Variants in MYLK2 observed in about 807,000 individuals in gnomAD.
MYLK2 encodes myosin light chain kinase 2, skeletal/cardiac muscle.
MYLK2 carries 27 observed loss-of-function variants against 58.2 expected under a neutral mutation model. The ratio of observed to expected loss-of-function variants is 0.46; its 90% confidence interval spans 0.34 to 0.64. The LOEUF is 0.64. Among genes scored for constraint, MYLK2 ranks in the 30% least tolerant of loss-of-function variants. The pLI, the probability that MYLK2 is intolerant of heterozygous loss-of-function variation, is 0.01. For synonymous variants in MYLK2, 310 were observed against 296.7 expected, an observed-to-expected ratio of 1.04 and a Z score of -0.46; for missense variants, 676 against 764.3, an observed-to-expected ratio of 0.88 and a Z score of 1.36.
At position 31,830,873 on chromosome 20, in the gene MYLK2, T is replaced by G. The variant is rs2062302822; in HGVS notation, c.1279T>G (p.Phe427Val). The change falls in exon 9 of 13, where the codon TTT (phenylalanine) becomes GTT (valine). Residue 427 changes from phenylalanine to valine, a missense_variant. Transcript: ENST00000375985. ...CGGGCATTTGGTGAAGATCATTGAC[T>G]TTGGCCTGGCACGGAGGTACCACCT... ...TTGHLVKIID[F>V]GLARRYNPNE... 6.2e-7 allele frequency: 1 copy of G among 1,613,956 alleles called. No homozygotes were observed. The highest frequency in any genetic ancestry group is 1.1e-5 in the South Asian group (1 of 91,058).
At chr20:31,822,610 G>C (rs1045548631) in intron 4 of MYLK2, among the ~76,000 whole-genome samples, 3 of 152,142 alleles carry the variant, frequency 2.0e-5, no homozygotes, top group Non-Finnish European at 4.4e-5. Flanking sequence ...CAGGGCTGGG[G>C]GTGGGGTGAG....
rs376436063 is a variant in MYLK2, at chr20:31,826,950, G to C, written c.1224+12G>C. 6.2e-7 allele frequency: 1 copy of C among 1,613,952 alleles called. No individual in the cohort carries two copies. The highest frequency in any genetic ancestry group is 1.3e-5 in the African/African-American group (1 of 74,992). On this transcript the variant is annotated intron_variant, in intron 8 of 12. Transcript: ENST00000375985. Reference sequence around the variant, plus strand: ...ACCTGGACCTCAAGGTACCAGACTGGGGCCTCCTGGGAAGGGTCAGGGGCA... The same window carrying C: ...ACCTGGACCTCAAGGTACCAGACTGCGGCCTCCTGGGAAGGGTCAGGGGCA...
chr20:31,826,720 T>C lies in MYLK2; in HGVS notation c.1082+6T>C, dbSNP rs372433376. ...ATCGTCCTGTTCATGGAGTAGTGAG[T>C]GCCCGAAGTAGTGGTAGGGGCTGGG... is the stretch of plus-strand genomic sequence containing the variant. On this transcript the variant is annotated splice_donor_region_variant and intron_variant, in intron 7 of 12. Coordinates refer to ENST00000375985, the MANE Select transcript of MYLK2 (RefSeq NM_033118.4). 2.5e-6 allele frequency: 4 copies of C among 1,613,504 alleles called. No homozygotes were observed. In the African/African-American group the frequency reaches 5.4e-5, roughly 22 times the overall value.
At position 31,826,706 on chromosome 20, in the gene MYLK2, C is replaced by A; in HGVS notation, c.1074C>A (p.Phe358Leu). Residue 358 changes from phenylalanine to leucine, a missense_variant, in exon 7 of 13, where the codon TTC becomes TTA. Physicochemically the swap from Phe to Leu is conservative, Grantham distance 22. This residue lies in a region of MYLK2 where 370 missense variants were observed against 467.8 expected (regional missense o/e 0.79). Coordinates refer to ENST00000375985, the MANE Select transcript of MYLK2 (RefSeq NM_033118.4). ...AIETPHEIVL[F>L]MEYIEGGELF... ...AGACTCCGCATGAGATCGTCCTGTTCATGGAGTAGTGAGTGCCCGAAGTAG... is the reference window on the plus strand; with the variant it reads ...AGACTCCGCATGAGATCGTCCTGTTAATGGAGTAGTGAGTGCCCGAAGTAG... The A allele has an allele frequency of 6.2e-7, 1 of 1,613,980 alleles. No homozygotes were observed. Among genetic ancestry groups the A allele is most frequent in the South Asian group, 1.1e-5 (1 of 91,036 alleles).
intron 8 of MYLK2, among the ~76,000 whole-genome samples, chr20:31,829,944 G>A (rs756607821): frequency 6.6e-6 from 1 of 152,194 alleles, no homozygotes; most frequent in Non-Finnish European, 1.5e-5. Context: ...CCCTGAGGGT[G>A]GGACCCAGGA....
intron 8 of MYLK2, among the ~76,000 whole-genome samples, chr20:31,829,392 A>T (rs1216607654): frequency 6.6e-6 from 1 of 152,038 alleles, no homozygotes; most frequent in African/African-American, 2.4e-5. Flanking sequence ...AGGAAATTTG[A>T]GTCTGCTTCA....
chr20:31,832,326 G>A (rs1423222747), intron 12 of MYLK2, among the ~76,000 whole-genome samples, 190 bp downstream of exon 12: 2 of 152,060 alleles, frequency 1.3e-5, no homozygotes, highest in African/African-American at 2.4e-5. Flanking sequence ...ACCTCTACCC[G>A]GCCTTCCACC....
rs768050336 is a variant in MYLK2 at position 31,831,690 on chromosome 20, C to T, written c.1425-13C>T. ...ATCTCACCTCCCTGCCCCCTGCTAT[C>T]CCCTCCCTCTAGGCTGAGCGGCCTC... On this transcript the variant is annotated splice_polypyrimidine_tract_variant and intron_variant, in intron 10 of 12. Coordinates refer to ENST00000375985, the MANE Select transcript of MYLK2 (RefSeq NM_033118.4). The T allele has an allele frequency of 6.2e-7, 1 of 1,613,930 alleles. No homozygotes were observed. The highest frequency in any genetic ancestry group is 8.5e-7 in the Non-Finnish European group (1 of 1,179,930).
Position 31,826,597 on chromosome 20 carries a change from G to A in MYLK2, c.973-8G>A. The A allele has an allele frequency of 6.2e-7, 1 of 1,614,082 alleles. No homozygotes were observed. The highest frequency in any genetic ancestry group is 8.5e-7 in the Non-Finnish European group (1 of 1,180,006). ...CCAGCTGGTACCCTTGACTTCCCTG[G>A]TCCCCAGGAAATGGTGTTGCTGGAG... On this transcript the variant is annotated splice_region_variant and splice_polypyrimidine_tract_variant and intron_variant, in intron 6 of 12. Transcript: ENST00000375985.
chr20:31,834,269 C>T lies in MYLK2; in HGVS notation c.*472C>T, dbSNP rs1049644673. Reference sequence around the variant, plus strand: ...CTGGTGGGGCAGAAAGGCTGCAACGCTGATTCCTAAGGCCCAGCTGCCAGG... The same window carrying T: ...CTGGTGGGGCAGAAAGGCTGCAACGTTGATTCCTAAGGCCCAGCTGCCAGG... On this transcript the variant is annotated 3_prime_UTR_variant, in exon 13 of 13. Transcript: ENST00000375985. 1.1e-5 allele frequency: 2 copies of T among 185,458 alleles called. No homozygotes were observed. The highest frequency in any genetic ancestry group is 4.7e-5 in the African/African-American group (2 of 42,454). 11.5% of individuals were successfully genotyped at this position (185,458 alleles called of 1,614,324 possible).
intron 12 of MYLK2, 144 bp from the exon 13 acceptor site, chr20:31,833,573 C>A: frequency 5.4e-6 from 4 of 739,514 alleles, no homozygotes; most frequent in Non-Finnish European, 9.7e-6. Context: ...AGTGTCATGG[C>A]GCCTCCCGTG....
intron 6 of MYLK2, among the ~76,000 whole-genome samples, chr20:31,824,896 CAG>C (rs1487281086): frequency 6.6e-6 from 1 of 152,222 alleles, no homozygotes; most frequent in Non-Finnish European, 1.5e-5. Context: ...AGCTGTGACT[CAG>C]GGAAACTGCG....
In MYLK2 at chr20:31,834,051, C is replaced by A. The variant is rs566588013; in HGVS notation, c.*254C>A. The A allele has an allele frequency of 4.3e-5, 23 of 540,450 alleles. No individual in the cohort carries two copies. In the African/African-American group the frequency reaches 4.4e-4, roughly 10 times the overall value. The allele number at this position is 540,450 out of a possible 1,614,324, so 33.5% of individuals were successfully genotyped here. On this transcript the variant is annotated 3_prime_UTR_variant, in exon 13 of 13. Coordinates refer to ENST00000375985, the MANE Select transcript of MYLK2 (RefSeq NM_033118.4). ...ACAGGGCTCCAGCCTGTCGGCCACA[C>A]CCCAGACTCCAGGCCCCCGTTGAAG... is the stretch of plus-strand genomic sequence containing the variant.
chr20:31,832,364 T>G (rs112103586), intron 12 of MYLK2, among the ~76,000 whole-genome samples: 1 of 152,210 alleles, frequency 6.6e-6, no homozygotes, highest in African/African-American at 2.4e-5. Flanking sequence ...GGCTCTGGCT[T>G]CCCTCCTTCA....
chr20:31,830,511 G>A lies in MYLK2; in HGVS notation c.1225-308G>A, dbSNP rs2123139115. Among the ~76,000 whole-genome samples the A allele has an allele frequency of 1.3e-5, 2 of 152,308 alleles. 1 individual carries two copies. Among genetic ancestry groups the A allele is most frequent in the South Asian group, 4.1e-4 (2 of 4,826 alleles). On this transcript the variant is annotated intron_variant, in intron 8 of 12. Coordinates refer to ENST00000375985, the MANE Select transcript of MYLK2 (RefSeq NM_033118.4). ...CAGGCTGTCATGCCTCCTCTCCACA[G>A]GCTTCTGTTTCCCCATCCTCAGAAC... is the stretch of plus-strand genomic sequence containing the variant.
At chr20:31,820,639 A>C in intron 3 of MYLK2, 93 bp downstream of exon 3, 3 of 1,451,996 alleles carry the variant, frequency 2.1e-6, no homozygotes, top group Non-Finnish European at 2.8e-6. Context: ...GGTTATCATC[A>C]CATTCAGTGC....
chr20:31,826,887 T>C lies in MYLK2; in HGVS notation c.1173T>C (p.Cys391=). The C allele has an allele frequency of 6.2e-7, 1 of 1,614,126 alleles. No individual in the cohort carries two copies. The change falls in exon 8 of 13, where the codon TGT becomes TGC. Residue 391 remains cysteine, a synonymous_variant. Coordinates refer to ENST00000375985, the MANE Select transcript of MYLK2 (RefSeq NM_033118.4). ...VDTMVFVRQI[C]DGILFMHKMR... is the part of the protein sequence containing the mutation. ...CCATGGTGTTTGTCAGGCAGATCTG[T>C]GACGGGATCCTCTTCATGCACAAGA...
rs2062309573 is a variant in MYLK2 at position 31,832,065 on chromosome 20, G to C, written c.1639G>C (p.Ala547Pro). 6.2e-7 allele frequency: 1 copy of C among 1,605,752 alleles called. No individual in the cohort carries two copies. The highest frequency in any genetic ancestry group is 8.5e-7 in the Non-Finnish European group (1 of 1,176,138). The change falls in exon 12 of 13, where the codon GCC (alanine) becomes CCC (proline). Residue 547 changes from alanine (A) to proline (P), a missense_variant. Ala to Pro is a conservative substitution (Grantham distance 27, BLOSUM62 -1). Coordinates refer to ENST00000375985, the MANE Select transcript of MYLK2 (RefSeq NM_033118.4). ...HPWLNNLAEK[A>P]KRCNRRLKSQ... is the part of the protein sequence containing the mutation. ...CTGGCTCAACAACCTGGCGGAGAAA[G>C]CCAAACGCTGTAACCGACGCCTTAA...
chr20:31,833,347 G>A (rs1333340415), intron 12 of MYLK2, among the ~76,000 whole-genome samples: 1 of 152,170 alleles, frequency 6.6e-6, no homozygotes, highest in Non-Finnish European at 1.5e-5. Flanking sequence ...GGAACAGGTA[G>A]GAGGCCAGTA....
Sources: gnomAD v4.1 joint callset for allele counts (sites outside exome capture counted in the v4.1 genomes callset) on GRCh38, gnomAD v4.1.1 for gene constraint, gnomAD v4.1.1 regional missense constraint, MANE v1.5 for transcripts, NCBI Gene and HGNC (gene_info 2026-07-23, HGNC 2026-07-21) for gene names.